CEP85L: variants seen among roughly 807,000 people sequenced by gnomAD.
CEP85L encodes the protein centrosomal protein 85L, also known as centrosomal protein of 85 kDa-like.
In CEP85L, 60 loss-of-function variants were observed where a neutral mutation model predicts 100.3. The ratio of observed to expected loss-of-function variants is 0.60; its 90% confidence interval spans 0.49 to 0.74. The LOEUF (loss-of-function observed/expected upper bound fraction) is 0.74, where lower values mean the gene tolerates loss of function less well. Ranked by LOEUF, CEP85L falls within the 30% of genes least tolerant of loss-of-function variation. The pLI, the probability that CEP85L is intolerant of heterozygous loss-of-function variation, is 0.00. For synonymous variants in CEP85L, 319 were observed against 322.7 expected, an observed-to-expected ratio of 0.99 and a Z score of 0.12; for missense variants, 973 against 936.2, an observed-to-expected ratio of 1.04 and a Z score of -0.51.
intron 1 of CEP85L, among the ~76,000 whole-genome samples, chr6:118,635,734 A>T (rs1212533202): frequency 6.6e-6 from 1 of 152,242 alleles, no homozygotes; most frequent in Non-Finnish European, 1.5e-5. Context: ...GTCATGCTCC[A>T]TTAAAGCCTA....
At chr6:118,622,960 C>G (rs1773548736) in intron 2 of CEP85L, among the ~76,000 whole-genome samples, 1 of 152,190 alleles carries the variant, frequency 6.6e-6, no homozygotes, top group African/African-American at 2.4e-5. Context: ...CCAGTATTCC[C>G]CAAGCGAAAC....
chr6:118,521,979 C>CA (rs997004914), intron 4 of CEP85L, among the ~76,000 whole-genome samples: 9 of 150,192 alleles, frequency 6.0e-5, no homozygotes, highest in Non-Finnish European at 1.0e-4. Context: ...GAATGGTATT[C>CA]AAAAAAAAAT....
At chr6:118,486,068 C>A (rs1774159175) in intron 6 of CEP85L, among the ~76,000 whole-genome samples, 1 of 152,200 alleles carries the variant, frequency 6.6e-6, no homozygotes, top group Non-Finnish European at 1.5e-5. Flanking sequence ...TGCCAACACT[C>A]TCCTACGAGA....
chr6:118,471,947 A>C (rs947275578), intron 10 of CEP85L, among the ~76,000 whole-genome samples: 1 of 151,886 alleles, frequency 6.6e-6, no homozygotes, highest in Non-Finnish European at 1.5e-5. Flanking sequence ...ATTTGGCTGG[A>C]ATCCAGAATT....
At chr6:118,642,955 A>C (rs1349003605) in intron 1 of CEP85L, among the ~76,000 whole-genome samples, 1 of 152,198 alleles carries the variant, frequency 6.6e-6, no homozygotes, top group Non-Finnish European at 1.5e-5. Flanking sequence ...CCACGTATTT[A>C]GTTTTTGGTA....
intron 2 of CEP85L, among the ~76,000 whole-genome samples, chr6:118,592,893 T>G (rs1426159693): frequency 1.3e-5 from 2 of 152,208 alleles, no homozygotes. Context: ...TATAATTGTA[T>G]AAATTTGGTG....
At chr6:118,635,759 C>T (rs1254421100) in intron 1 of CEP85L, among the ~76,000 whole-genome samples, 4 of 152,118 alleles carry the variant, frequency 2.6e-5, no homozygotes, top group Non-Finnish European at 5.9e-5. Flanking sequence ...ACACCTCCAC[C>T]CTATTGATTG....
chr6:118,660,357 C>T (rs996279049), intron 1 of CEP85L, among the ~76,000 whole-genome samples: 3 of 152,230 alleles, frequency 2.0e-5, no homozygotes, highest in Non-Finnish European at 4.4e-5. Context: ...GCTCATATGC[C>T]TTGATCTCTT....
intron 3 of CEP85L, among the ~76,000 whole-genome samples, chr6:118,557,609 G>C (rs913919767): frequency 2.6e-5 from 4 of 152,158 alleles, no homozygotes; most frequent in African/African-American, 9.7e-5. Flanking sequence ...TCCTGTGATG[G>C]AGTGGCCTCC....
chr6:118,576,294 G>C (rs1780229171), intron 2 of CEP85L, among the ~76,000 whole-genome samples: 1 of 152,114 alleles, frequency 6.6e-6, no homozygotes, highest in South Asian at 2.1e-4. Flanking sequence ...TCAAAGGTTG[G>C]AAAGAGGGAA....
rs944267360 is a variant in CEP85L at position 118,461,808 on chromosome 6, G to A, written c.*3597C>T. ...GGCAGTTTCAAATGATATAGTCTGAGTGAGCATGGTTATGAAAATTGCTTA... is the reference window on the plus strand; with the variant it reads ...GGCAGTTTCAAATGATATAGTCTGAATGAGCATGGTTATGAAAATTGCTTA... On this transcript the variant is annotated 3_prime_UTR_variant, in exon 13 of 13. Coordinates refer to ENST00000368491, the MANE Select transcript of CEP85L (RefSeq NM_001042475.3). 2 of 152,008 alleles carry A rather than the reference G, an allele frequency of 1.3e-5. No individual in the cohort carries two copies. The highest frequency in any genetic ancestry group is 2.9e-5 in the Non-Finnish European group (2 of 67,910). 9.4% of individuals were successfully genotyped at this position (152,008 alleles called of 1,614,324 possible). A position where few individuals can be genotyped will look rare whatever the true frequency, so the allele number is the denominator to read the frequency against.
rs144349674 is a variant in CEP85L, at chr6:118,629,957, T to C, written c.232+2496A>G. Among the ~76,000 whole-genome samples, 813 of 152,324 alleles carry C rather than the reference T, an allele frequency of 5.3e-3. 4 individuals carry two copies. The highest frequency in any genetic ancestry group is 8.8e-3 in the Non-Finnish European group (598 of 68,026). On this transcript the variant is annotated intron_variant, in intron 2 of 12. Coordinates refer to ENST00000368491, the MANE Select transcript of CEP85L (RefSeq NM_001042475.3). ...TCATCTAAACACACCCCCTCCTGTT[T>C]TTATAGTTTCAACATGACAACTATT... is the stretch of plus-strand genomic sequence containing the variant.
intron 2 of CEP85L, among the ~76,000 whole-genome samples, chr6:118,600,326 T>G (rs1000510528): frequency 3.6e-5 from 4 of 112,310 alleles, no homozygotes; most frequent in African/African-American, 6.6e-5. Flanking sequence ...TGTGTGTGTG[T>G]GTGTGTGTGT....
chr6:118,562,608 C>T (rs1293065139), intron 3 of CEP85L, among the ~76,000 whole-genome samples: 2 of 152,120 alleles, frequency 1.3e-5, no homozygotes, highest in Admixed American at 6.6e-5. Context: ...TATCCACCCC[C>T]CATCAGCCTC....
chr6:118,617,911 G>A (rs181654200), intron 2 of CEP85L, among the ~76,000 whole-genome samples: 84 of 152,242 alleles, frequency 5.5e-4, no homozygotes, highest in African/African-American at 1.9e-3. Flanking sequence ...AGAATTCGGA[G>A]GCTAAACACT....
chr6:118,531,777 A>G (rs1777307262), intron 3 of CEP85L, among the ~76,000 whole-genome samples: 1 of 152,176 alleles, frequency 6.6e-6, no homozygotes, highest in Non-Finnish European at 1.5e-5. Flanking sequence ...ATCACTAATC[A>G]TTAGAGAAAT....
At chr6:118,589,702 A>T in intron 2 of CEP85L, 1 of 275,194 alleles carries the variant, frequency 3.6e-6, no homozygotes, top group Non-Finnish European at 7.1e-6. Flanking sequence ...TTCTATGAAC[A>T]TGGGCATGGC....
chr6:118,509,149 A>G (rs747995826), intron 5 of CEP85L, among the ~76,000 whole-genome samples: 132 of 152,096 alleles, frequency 8.7e-4, no homozygotes, highest in Admixed American at 1.5e-3. Flanking sequence ...CCTTCCAAAT[A>G]CTAATATTTT....
At chr6:118,519,477 G>GT (rs1776504783) in intron 4 of CEP85L, among the ~76,000 whole-genome samples, 2 of 16,538 alleles carry the variant, frequency 1.2e-4, no homozygotes, top group Non-Finnish European at 2.5e-4. Flanking sequence ...TGTGTGTGGC[G>GT]GGGGGGGGTT....
Sources: allele counts gnomAD v4.1 joint callset (sites outside exome capture counted in the v4.1 genomes callset), GRCh38; gene constraint gnomAD v4.1.1; transcripts MANE v1.5; gene names NCBI Gene and HGNC (gene_info 2026-07-23, HGNC 2026-07-21).